The following DPP10 variants were observed in gnomAD, a reference collection of about 807,000 sequenced individuals.
DPP10 encodes the protein dipeptidyl peptidase like 10.
Under a neutral mutation model 120.9 loss-of-function variants are expected in DPP10, and 33 were observed. That is an observed-to-expected ratio of 0.27 (90% CI 0.21 to 0.37). The LOEUF (loss-of-function observed/expected upper bound fraction) is 0.37, where lower values mean the gene tolerates loss of function less well. DPP10 is among the 10% of genes least tolerant of loss of function. DPP10 has a pLI of 1.00. For synonymous variants in DPP10, 337 were observed against 326.1 expected, an observed-to-expected ratio of 1.03 and a Z score of -0.36; for missense variants, 816 against 942.8, an observed-to-expected ratio of 0.87 and a Z score of 1.76.
Position 115,280,923 on chromosome 2 carries a change from T to C in DPP10, c.61-28316T>C, listed in dbSNP as rs575837315. Among the ~76,000 whole-genome samples the C allele has an allele frequency of 9.8e-5, 15 of 152,326 alleles. No homozygotes were observed. In the South Asian group the frequency reaches 2.9e-3, roughly 29 times the overall value. ...TCTATCCTATCTTCCACAAAAGCTATCATTGAAATAGCTGTGCTTTCCACT... is the reference window on the plus strand; with the variant it reads ...TCTATCCTATCTTCCACAAAAGCTACCATTGAAATAGCTGTGCTTTCCACT... On this transcript the variant is annotated intron_variant, in intron 1 of 25. Transcript: ENST00000410059.
intron 1 of DPP10, among the ~76,000 whole-genome samples, chr2:114,973,427 C>T (rs539830742): frequency 6.6e-5 from 10 of 151,580 alleles, no homozygotes; most frequent in Admixed American, 1.3e-4. Flanking sequence ...TTTGGGAGGA[C>T]GAGGCGGGTG....
chr2:115,064,156 T>C (rs1573478461), intron 1 of DPP10, among the ~76,000 whole-genome samples: 1 of 152,182 alleles, frequency 6.6e-6, no homozygotes, highest in East Asian at 1.9e-4. Flanking sequence ...TTTTCTTCTT[T>C]TCTCTCCCTA....
intron 1 of DPP10, among the ~76,000 whole-genome samples, chr2:114,832,402 G>A (rs1687219778): frequency 6.6e-6 from 1 of 152,166 alleles, no homozygotes; most frequent in African/African-American, 2.4e-5. Flanking sequence ...GGGCGTGTTG[G>A]TGGGTTCCTG....
intron 1 of DPP10, among the ~76,000 whole-genome samples, chr2:115,033,893 C>CTTTTTTTTTTTTTTTTTTTTT (rs965717193): frequency 4.5e-5 from 4 of 89,862 alleles, no homozygotes; most frequent in African/African-American, 8.9e-5. Flanking sequence ...TTTTCTTTTT[C>CTTTTTTTTTTTTTTTTTTTTT]TTTTTTTTTT....
At chr2:115,549,610 G>C (rs2079749811) in intron 5 of DPP10, among the ~76,000 whole-genome samples, 1 of 151,974 alleles carries the variant, frequency 6.6e-6, no homozygotes, top group Non-Finnish European at 1.5e-5. Flanking sequence ...TATTCACCGG[G>C]ATTGCTACAA....
chr2:115,010,795 C>T (rs921078950), intron 1 of DPP10, among the ~76,000 whole-genome samples: 2 of 152,158 alleles, frequency 1.3e-5, no homozygotes, highest in African/African-American at 4.8e-5. Context: ...TTATTTTTCA[C>T]AGTCCCTCAG....
intron 1 of DPP10, among the ~76,000 whole-genome samples, chr2:114,549,483 A>G (rs1351030143): frequency 6.6e-6 from 1 of 151,964 alleles, no homozygotes; most frequent in Non-Finnish European, 1.5e-5. Flanking sequence ...CAACATTGGG[A>G]AACCCTGTCT....
At chr2:115,567,992 A>G (rs994534301) in intron 5 of DPP10, among the ~76,000 whole-genome samples, 1 of 151,700 alleles carries the variant, frequency 6.6e-6, no homozygotes, top group Admixed American at 6.6e-5. Flanking sequence ...CCTGGCCAAC[A>G]TGGTGAAACC....
chr2:115,215,553 C>T (rs1286341383), intron 1 of DPP10, among the ~76,000 whole-genome samples: 1 of 152,042 alleles, frequency 6.6e-6, no homozygotes, highest in African/African-American at 2.4e-5. Flanking sequence ...ACATATACAT[C>T]ATTGGTGGGA....
chr2:114,696,181 A>C (rs1294474169), intron 1 of DPP10, among the ~76,000 whole-genome samples: 1 of 152,090 alleles, frequency 6.6e-6, no homozygotes, highest in East Asian at 1.9e-4. Flanking sequence ...GAAGCATTTA[A>C]ATCAGCACCA....
chr2:115,587,755 A>G (rs932906882), intron 5 of DPP10, among the ~76,000 whole-genome samples: 1 of 152,214 alleles, frequency 6.6e-6, no homozygotes, highest in Non-Finnish European at 1.5e-5. Context: ...ATATTTGAAG[A>G]CATTTTAATG....
intron 1 of DPP10, among the ~76,000 whole-genome samples, chr2:114,618,260 G>A (rs1028453527): frequency 1.3e-5 from 2 of 151,918 alleles, no homozygotes; most frequent in Admixed American, 6.6e-5. Context: ...TGAAATACCA[G>A]ACTTGATTGA....
intron 1 of DPP10, among the ~76,000 whole-genome samples, chr2:115,201,824 A>G (rs991427008): frequency 6.0e-5 from 9 of 150,256 alleles, no homozygotes; most frequent in African/African-American, 1.5e-4. Flanking sequence ...CAAATTCAGA[A>G]TTGCTACTTC....
intron 1 of DPP10, among the ~76,000 whole-genome samples, chr2:115,090,937 C>G (rs924455891): frequency 3.3e-5 from 5 of 152,156 alleles, no homozygotes; most frequent in African/African-American, 1.2e-4. Context: ...TATGGTCATG[C>G]TGACCTTAGC....
intron 1 of DPP10, among the ~76,000 whole-genome samples, chr2:115,240,135 G>A (rs935794157): frequency 6.6e-6 from 1 of 152,188 alleles, no homozygotes; most frequent in Non-Finnish European, 1.5e-5. Flanking sequence ...GGATTGCTGA[G>A]TCAAATGATA....
chr2:114,490,286 G>T (rs1425539353), intron 1 of DPP10, among the ~76,000 whole-genome samples: 1 of 152,084 alleles, frequency 6.6e-6, no homozygotes, highest in Non-Finnish European at 1.5e-5. Flanking sequence ...TTCTATTGGT[G>T]GTTGGCTCTG....
Position 114,511,086 on chromosome 2 carries a change from C to G in DPP10, c.60+68248C>G, listed in dbSNP as rs115765683. ...AAGACAGAGAGGATAAGAGTGGGGA[C>G]TAACAATTCAATCTTATACCAAAGA... On this transcript the variant is annotated intron_variant, in intron 1 of 25. Transcript: ENST00000410059. Among the ~76,000 whole-genome samples the G allele has an allele frequency of 3.3e-3, 502 of 152,150 alleles. 1 individual carries two copies. The highest frequency in any genetic ancestry group is 0.011 in the African/African-American group (474 of 41,492).
intron 5 of DPP10, among the ~76,000 whole-genome samples, chr2:115,636,912 A>C (rs149768066): frequency 6.6e-6 from 1 of 152,290 alleles, no homozygotes; most frequent in African/African-American, 2.4e-5. Flanking sequence ...GAAGAAAGGC[A>C]GTCTACAGAA....
chr2:115,826,692 G>A (rs937564228), intron 21 of DPP10, among the ~76,000 whole-genome samples: 1 of 152,136 alleles, frequency 6.6e-6, no homozygotes, highest in African/African-American at 2.4e-5. Context: ...CTGCATTCCA[G>A]CCTGGGCGAC....
Sources: gnomAD v4.1 joint callset for allele counts (sites outside exome capture counted in the v4.1 genomes callset) on GRCh38, gnomAD v4.1.1 for gene constraint, MANE v1.5 for transcripts, NCBI Gene and HGNC (gene_info 2026-07-23, HGNC 2026-07-21) for gene names.